The following MYCT1 variants were observed in gnomAD, a reference collection of about 807,000 sequenced individuals.
The protein encoded by MYCT1 is MYC target 1, also known as myc target protein 1.
MYCT1 carries 12 observed loss-of-function variants against 15.0 expected under a neutral mutation model. That is an observed-to-expected ratio of 0.80 (90% CI 0.51 to 1.29). MYCT1 has a LOEUF of 1.29. Among genes scored for constraint, MYCT1 ranks in the 50% most tolerant of loss-of-function variants. MYCT1 has a pLI of 0.00. For synonymous variants in MYCT1, 104 were observed against 102.7 expected, an observed-to-expected ratio of 1.01 and a Z score of -0.07; for missense variants, 287 against 279.1, an observed-to-expected ratio of 1.03 and a Z score of -0.20.
chr6:152,700,510 C>T (rs1226049650), intron 1 of MYCT1, among the ~76,000 whole-genome samples: 1 of 152,128 alleles, frequency 6.6e-6, no homozygotes, highest in African/African-American at 2.4e-5. Context: ...CTTGCATTTT[C>T]ATAGCTATCA....
At chr6:152,736,927 A>G in the MYCT1 span, among the ~76,000 whole-genome samples, 24 of 152,284 alleles carry the variant, frequency 1.6e-4, no homozygotes, top group African/African-American at 4.8e-4. Context: ...AGCACAGGGT[A>G]TATTCCTAGG....
At chr6:152,744,110 A>T in the MYCT1 span, among the ~76,000 whole-genome samples, 1 of 151,432 alleles carries the variant, frequency 6.6e-6, no homozygotes, top group Non-Finnish European at 1.5e-5. Flanking sequence ...CAGCACATTG[A>T]CCTTTTCTCT....
At chr6:152,715,650 G>A (rs750682388) in intron 1 of MYCT1, among the ~76,000 whole-genome samples, 4 of 152,198 alleles carry the variant, frequency 2.6e-5, no homozygotes, top group Non-Finnish European at 5.9e-5. Flanking sequence ...AGGCTTCAGA[G>A]GTGGGACAGG....
At chr6:152,730,705 T>C in the MYCT1 span, among the ~76,000 whole-genome samples, 2 of 152,188 alleles carry the variant, frequency 1.3e-5, no homozygotes, top group African/African-American at 4.8e-5. Flanking sequence ...TAATGAAATC[T>C]TTATTGGAAT....
In MYCT1 at chr6:152,724,498, T is replaced by C. The variant is rs1166871223; in HGVS notation, c.*2245T>C. On this transcript the variant is annotated 3_prime_UTR_variant, in exon 2 of 2. Coordinates refer to ENST00000367245, the MANE Select transcript of MYCT1 (RefSeq NM_025107.3). Reference sequence around the variant, plus strand: ...TGAAATGTGAAATTAAAGCAAAAACTGGAGACTTTTAATGTATTTCTTTAA... The same window carrying C: ...TGAAATGTGAAATTAAAGCAAAAACCGGAGACTTTTAATGTATTTCTTTAA... The C allele has an allele frequency of 2.6e-5, 4 of 152,164 alleles. No individual in the cohort carries two copies. Among genetic ancestry groups the C allele is most frequent in the African/African-American group, 9.6e-5 (4 of 41,458 alleles). The allele number at this position is 152,164 out of a possible 1,614,324, so 9.4% of individuals were successfully genotyped here.
In MYCT1 at chr6:152,721,673, T is replaced by C. The variant is rs1012009219; in HGVS notation, c.197-69T>C. 6.8e-5 allele frequency: 97 copies of C among 1,424,754 alleles called. No homozygotes were observed. The African/African-American group carries it at 1.3e-3, about 19-fold the overall frequency. 88.3% of individuals were successfully genotyped at this position (1,424,754 alleles called of 1,614,324 possible). On this transcript the variant is annotated intron_variant, in intron 1 of 1. Coordinates refer to ENST00000367245, the MANE Select transcript of MYCT1 (RefSeq NM_025107.3). ...TGTATTCTTTGAATTACAGTATATA[T>C]GCTGACCCTTGTTTTTAGTTGAAAA... is the stretch of plus-strand genomic sequence containing the variant.
At chr6:152,741,846 T>C in the MYCT1 span, among the ~76,000 whole-genome samples, 1 of 152,086 alleles carries the variant, frequency 6.6e-6, no homozygotes, top group Non-Finnish European at 1.5e-5. Context: ...AAAAGAAACA[T>C]GGCTGAGAAA....
the MYCT1 span, among the ~76,000 whole-genome samples, chr6:152,744,436 C>G: frequency 4.4e-5 from 6 of 136,046 alleles, no homozygotes; most frequent in South Asian, 1.3e-3. Context: ...CCAGGAAGGA[C>G]TCAAGGCTCT....
At chr6:152,726,945 T>C (rs79252821), downstream of MYCT1, among the ~76,000 whole-genome samples, 1,582 of 151,948 alleles carry the variant, frequency 0.01, 27 homozygotes, top group African/African-American at 0.036. Flanking sequence ...CTTAAAATAT[T>C]TATGGAGGCC....
the MYCT1 span, among the ~76,000 whole-genome samples, chr6:152,731,789 C>T: frequency 6.8e-6 from 1 of 147,696 alleles, no homozygotes; most frequent in African/African-American, 2.5e-5. Context: ...TCCATGTTGT[C>T]CAGGCTGGAG....
the MYCT1 span, among the ~76,000 whole-genome samples, chr6:152,731,301 A>G: frequency 6.6e-6 from 1 of 152,096 alleles, no homozygotes. Flanking sequence ...GTTTAATTAA[A>G]TTTTTATTTA....
chr6:152,715,131 G>A (rs1283556211), intron 1 of MYCT1, among the ~76,000 whole-genome samples: 1 of 152,018 alleles, frequency 6.6e-6, no homozygotes, highest in African/African-American at 2.4e-5. Flanking sequence ...ACAGATTATT[G>A]TGATGAAAGA....
rs926796838 is a variant in MYCT1, at chr6:152,724,027, A to G, written c.*1774A>G. 6.6e-6 allele frequency: 1 copy of G among 152,166 alleles called. No homozygotes were observed. The highest frequency in any genetic ancestry group is 1.5e-5 in the Non-Finnish European group (1 of 68,022). The allele number at this position is 152,166 out of a possible 1,614,324, so 9.4% of individuals were successfully genotyped here. ...ATATTATCCATCATTCCTTAAGGAC[A>G]ATTATTCTTAATAATGCTTATAGAA... On this transcript the variant is annotated 3_prime_UTR_variant, in exon 2 of 2. Coordinates refer to ENST00000367245, the MANE Select transcript of MYCT1 (RefSeq NM_025107.3).
At chr6:152,721,258 T>G (rs550166751) in intron 1 of MYCT1, among the ~76,000 whole-genome samples, 4 of 152,284 alleles carry the variant, frequency 2.6e-5, no homozygotes, top group African/African-American at 9.6e-5. Flanking sequence ...AAGTGAGGCA[T>G]CATGAAGACT....
At chr6:152,729,300 T>G (rs2099726167), downstream of MYCT1, among the ~76,000 whole-genome samples, 1 of 152,132 alleles carries the variant, frequency 6.6e-6, no homozygotes, top group African/African-American at 2.4e-5. Flanking sequence ...AGTGCTCCAG[T>G]GACAAATTTC....
chr6:152,736,494 G>T, the MYCT1 span, among the ~76,000 whole-genome samples: 30 of 152,216 alleles, frequency 2.0e-4, no homozygotes, highest in Non-Finnish European at 3.1e-4. Context: ...TTCCTGACCA[G>T]GTTCAAGACC....
intron 1 of MYCT1, among the ~76,000 whole-genome samples, chr6:152,714,148 C>G (rs2099723214): frequency 6.6e-6 from 1 of 151,864 alleles, no homozygotes; most frequent in Non-Finnish European, 1.5e-5. Context: ...GTGATTTTCT[C>G]TTTCTCTCTG....
In MYCT1 at chr6:152,716,278, C is replaced by T. The variant is rs562551193; in HGVS notation, c.197-5464C>T. ...TTATAATCAATCAAATTTCTATGCC[C>T]TAAATATTATTCTCCCTAAAAGCCC... On this transcript the variant is annotated intron_variant, in intron 1 of 1. Coordinates refer to ENST00000367245, the MANE Select transcript of MYCT1 (RefSeq NM_025107.3). 4.3e-4 allele frequency among the ~76,000 whole-genome samples: 66 copies of T among 152,278 alleles called. No individual in the cohort carries two copies. In the South Asian group the frequency reaches 0.013, roughly 30 times the overall value.
chr6:152,741,091 T>A, the MYCT1 span, among the ~76,000 whole-genome samples: 1 of 152,200 alleles, frequency 6.6e-6, no homozygotes, highest in African/African-American at 2.4e-5. Context: ...CTTGAAGTTA[T>A]TTCACAGAAC....
Sources: gnomAD v4.1 joint callset for allele counts (sites outside exome capture counted in the v4.1 genomes callset) on GRCh38, gnomAD v4.1.1 for gene constraint, MANE v1.5 for transcripts, NCBI Gene and HGNC (gene_info 2026-07-23, HGNC 2026-07-21) for gene names.